CCDC14: variants seen among roughly 807,000 people sequenced by gnomAD.
The protein encoded by CCDC14 is coiled-coil domain containing 14.
A neutral mutation model predicts 81.4 loss-of-function variants in CCDC14; 71 were observed. That is an observed-to-expected ratio of 0.87 (90% confidence interval 0.72 to 1.06). The LOEUF (loss-of-function observed/expected upper bound fraction) is 1.06. Among genes scored for constraint, CCDC14 ranks in the 50% least tolerant of loss-of-function variants. The pLI is 0.00. For synonymous variants in CCDC14, 332 were observed against 364.8 expected, an observed-to-expected ratio of 0.91 and a Z score of 1.03; for missense variants, 1,046 against 1,047.3, an observed-to-expected ratio of 1.00 and a Z score of 0.02.
intron 10 of CCDC14, among the ~76,000 whole-genome samples, chr3:123,932,500 T>C (rs901976510): frequency 6.6e-6 from 1 of 152,220 alleles, no homozygotes; most frequent in Non-Finnish European, 1.5e-5. Context: ...CATCATGTCA[T>C]GTATTGTTTC....
chr3:123,956,532 T>TTGG, intron 2 of CCDC14, 105 bp from the exon 3 acceptor site: 1 of 846,872 alleles, frequency 1.2e-6, no homozygotes, highest in Non-Finnish European at 1.8e-6. Context: ...TCCAACCATG[T>TTGG]ACAAGATGAA....
chr3:123,885,186 A>C, the CCDC14 span, among the ~76,000 whole-genome samples: 1 of 152,226 alleles, frequency 6.6e-6, no homozygotes, highest in East Asian at 1.9e-4. Context: ...TGTTTTTAAA[A>C]ATTTTTTAAT....
intron 1 of CCDC14, among the ~76,000 whole-genome samples, chr3:123,959,794 T>G (rs1362766617): frequency 7.7e-6 from 1 of 129,222 alleles, no homozygotes; most frequent in African/African-American, 3.3e-5. Flanking sequence ...CATATGCATT[T>G]TTTACTTAGT....
downstream of CCDC14, among the ~76,000 whole-genome samples, chr3:123,909,310 G>A (rs1163185404): frequency 6.6e-6 from 1 of 152,164 alleles, no homozygotes; most frequent in Non-Finnish European, 1.5e-5. Flanking sequence ...TTTCCTCTTG[G>A]ATAGTTGGTG....
the CCDC14 span, among the ~76,000 whole-genome samples, chr3:123,888,430 C>T: frequency 6.6e-6 from 1 of 152,204 alleles, no homozygotes. Flanking sequence ...TATATGGTGG[C>T]TGGACTTCTA....
chr3:123,946,018 C>G (rs1316382103), intron 8 of CCDC14, among the ~76,000 whole-genome samples: 1 of 151,872 alleles, frequency 6.6e-6, no homozygotes, highest in Non-Finnish European at 1.5e-5. Context: ...TTATTATTAC[C>G]ATGATTATGT....
In CCDC14 at chr3:123,914,893, C is replaced by T. The variant is rs776090410; in HGVS notation, c.2604G>A (p.Ser868=). The part of the protein sequence containing the change: ...SDLMSDWSIS[S]FSTFTSRDEQ... The stretch of plus-strand genomic sequence containing the variant: ...CATCACGAGAAGTGAACGTTGAAAA[C>T]GAAGAGATGCTCCAGTCAGACATCA... The change falls in exon 13 of 13, where the codon TCG becomes TCA. Residue 868 remains serine (S), a synonymous_variant. Coordinates refer to ENST00000409697, the MANE Select transcript of CCDC14 (RefSeq NM_001366335.1). The T allele has an allele frequency of 1.4e-5, 23 of 1,613,642 alleles. No individual in the cohort carries two copies. The South Asian group carries it at 1.4e-4, about 10-fold the overall frequency.
intron 12 of CCDC14, among the ~76,000 whole-genome samples, chr3:123,921,057 C>T (rs541564288): frequency 1.3e-5 from 2 of 151,894 alleles, no homozygotes; most frequent in Non-Finnish European, 2.9e-5. Flanking sequence ...AGAATTTGCA[C>T]AAAACATGAA....
the CCDC14 span, among the ~76,000 whole-genome samples, chr3:123,891,052 G>A: frequency 2.6e-5 from 4 of 152,208 alleles, no homozygotes; most frequent in Middle Eastern, 3.2e-3. Flanking sequence ...CTTGGGGCTT[G>A]CACCCTCTGA....
chr3:123,896,282 T>C (rs6438815), downstream of CCDC14, among the ~76,000 whole-genome samples: 127,702 of 152,140 alleles, frequency 0.84, 53,894 homozygotes, highest in East Asian at 0.96. Context: ...TGGGACTCTA[T>C]AGAGACCTCA....
chr3:123,961,075 T>C (rs1456684237), intron 1 of CCDC14, 69 bp downstream of exon 1: 1 of 1,345,352 alleles, frequency 7.4e-7, no homozygotes, highest in Non-Finnish European at 1.0e-6. Flanking sequence ...GTTTTACAAG[T>C]TCCTGGCCCG....
chr3:123,947,905 T>C (rs926700296), intron 7 of CCDC14, among the ~76,000 whole-genome samples: 1 of 152,062 alleles, frequency 6.6e-6, no homozygotes, highest in Non-Finnish European at 1.5e-5. Flanking sequence ...CTATGGTATA[T>C]CCAAAAAATA....
intron 9 of CCDC14, among the ~76,000 whole-genome samples, chr3:123,943,077 A>G (rs1444147957): frequency 1.3e-5 from 2 of 151,744 alleles, no homozygotes; most frequent in African/African-American, 4.8e-5. Flanking sequence ...TTGTATATAA[A>G]TGTGTGTGGT....
rs202104544 is a variant in CCDC14, at chr3:123,952,558, G to A, written c.352+3285C>T. The A allele has an allele frequency of 7.8e-4, 402 of 514,204 alleles. 1 individual carries two copies. Among genetic ancestry groups the A allele is most frequent in the Middle Eastern group, 5.9e-3 (18 of 3,070 alleles). The allele number at this position is 514,204 out of a possible 1,614,324, so 31.9% of individuals were successfully genotyped here. A position where few individuals can be genotyped will look rare whatever the true frequency, so the allele number is the denominator to read the frequency against. On this transcript the variant is annotated intron_variant, in intron 5 of 12. Transcript: ENST00000409697. ...AATACAATTCTGGAAGGGCTTCTCT[G>A]CCTCCTTAGTCCCAGAATGCATCAT...
At chr3:123,928,413 G>A (rs1316362822) in intron 12 of CCDC14, among the ~76,000 whole-genome samples, 1 of 151,616 alleles carries the variant, frequency 6.6e-6, no homozygotes, top group African/African-American at 2.4e-5. Flanking sequence ...GGCTGAGGCA[G>A]GAGAATGGCG....
chr3:123,915,349 A>C lies in CCDC14; in HGVS notation c.2148T>G (p.Thr716=). ...SKQDSDEGSE[T]MALIEDEHNL... is the part of the protein sequence containing the mutation. ...TATGCTCATCTTCTATTAAAGCCAT[A>C]GTTTCACTCCCTTCATCAGAATCCT... Residue 716 remains threonine, a synonymous_variant, in exon 13 of 13, where the codon ACT becomes ACG. Transcript: ENST00000409697. 1 of 1,613,868 alleles carries C rather than the reference A, an allele frequency of 6.2e-7. No individual in the cohort carries two copies. Among genetic ancestry groups the C allele is most frequent in the Non-Finnish European group, 8.5e-7 (1 of 1,179,850 alleles).
At chr3:123,889,853 C>T in the CCDC14 span, among the ~76,000 whole-genome samples, 1 of 152,218 alleles carries the variant, frequency 6.6e-6, no homozygotes, top group Non-Finnish European at 1.5e-5. Flanking sequence ...AGACTTCTGC[C>T]TGGACACCCA....
At chr3:123,934,540 C>CTATGCT (rs1337404641) in intron 9 of CCDC14, among the ~76,000 whole-genome samples, 5 of 152,066 alleles carry the variant, frequency 3.3e-5, no homozygotes, top group Admixed American at 6.6e-5. Flanking sequence ...AAACACAAAT[C>CTATGCT]TATGCTTCTA....
intron 1 of CCDC14, chr3:123,958,965 G>A (rs541560235): frequency 6.6e-6 from 1 of 152,184 alleles, no homozygotes; most frequent in African/African-American, 2.4e-5. Context: ...TGTTGCATAT[G>A]ACAGCTATTT....
Sources: gnomAD v4.1 joint callset for allele counts (sites outside exome capture counted in the v4.1 genomes callset) on GRCh38, gnomAD v4.1.1 for gene constraint, MANE v1.5 for transcripts, NCBI Gene and HGNC (gene_info 2026-07-23, HGNC 2026-07-21) for gene names.